Variants in WDPCP observed in about 807,000 individuals in gnomAD.
The protein encoded by WDPCP is WD repeat containing planar cell polarity effector, also known as WD repeat-containing and planar cell polarity effector protein fritz homolog.
WDPCP carries 71 observed loss-of-function variants against 93.1 expected under a neutral mutation model. The ratio of observed to expected loss-of-function variants is 0.76; its 90% CI spans 0.63 to 0.93. The LOEUF is 0.93. Ranked by LOEUF, WDPCP falls within the 40% of genes least tolerant of loss-of-function variation. The pLI is 0.00. For synonymous variants in WDPCP, 315 were observed against 315.0 expected (o/e 1.00, Z 0.00); for missense variants, 844 against 887.4 (o/e 0.95, Z 0.62).
intron 1 of WDPCP, among the ~76,000 whole-genome samples, chr2:63,538,261 T>C (rs1359510046): frequency 6.6e-6 from 1 of 151,900 alleles, no homozygotes; most frequent in Non-Finnish European, 1.5e-5. Flanking sequence ...AAAAATAACA[T>C]GAAAAATTAC....
intron 2 of WDPCP, among the ~76,000 whole-genome samples, chr2:63,776,073 A>G (rs1199918887): frequency 7.0e-6 from 1 of 143,220 alleles, no homozygotes; most frequent in East Asian, 2.0e-4. Flanking sequence ...ATAAATACAC[A>G]TATACATACA....
At chr2:63,750,335 T>G (rs756730168) in intron 2 of WDPCP, among the ~76,000 whole-genome samples, 3 of 152,122 alleles carry the variant, frequency 2.0e-5, no homozygotes, top group Non-Finnish European at 4.4e-5. Flanking sequence ...TTAAAAACTC[T>G]AATTCAGAAG....
At chr2:63,340,893 G>A (rs1688788557) in intron 12 of WDPCP, among the ~76,000 whole-genome samples, 1 of 152,014 alleles carries the variant, frequency 6.6e-6, no homozygotes, top group Non-Finnish European at 1.5e-5. Flanking sequence ...AAAAATGTAG[G>A]CATTTACCAC....
chr2:63,576,023 T>C (rs1156931281), intron 1 of WDPCP, among the ~76,000 whole-genome samples: 1 of 152,192 alleles, frequency 6.6e-6, no homozygotes, highest in African/African-American at 2.4e-5. Flanking sequence ...AGACACAGTA[T>C]AGAGACAGGA....
chr2:63,519,371 G>C (rs1425335620), intron 1 of WDPCP: 1 of 152,318 alleles, frequency 6.6e-6, no homozygotes, highest in African/African-American at 2.4e-5. Context: ...CCCACAGAGA[G>C]GCTGGCACTC....
chr2:63,290,247 T>A (rs6545985), intron 13 of WDPCP, among the ~76,000 whole-genome samples: 122,965 of 151,874 alleles, frequency 0.81, 50,571 homozygotes, highest in East Asian at 0.96. Context: ...ACATTTTTTT[T>A]AAAATCCTCT....
chr2:63,588,972 C>T, upstream of WDPCP: 5 of 1,610,620 alleles, frequency 3.1e-6, no homozygotes, highest in Non-Finnish European at 4.2e-6. Context: ...CGAGTCAGTT[C>T]CGCGGTAGAG....
Position 63,813,973 on chromosome 2 carries a change from T to C in WDPCP, n.223-266A>G, listed in dbSNP as rs140284681. ...ATGTTTGCTGATAAATTCCATATCA[T>C]AAATGTTTGCTGATAACTAGTAGTA... On this transcript the variant is annotated intron_variant and non_coding_transcript_variant, in intron 1 of 4. Coordinates refer to the WDPCP transcript ENST00000467687. 9.8e-3 allele frequency among the ~76,000 whole-genome samples: 1,493 copies of C among 152,348 alleles called. 8 individuals are homozygous for C. Among genetic ancestry groups the C allele is most frequent in the Non-Finnish European group, 0.015 (1,000 of 68,018 alleles).
chr2:63,437,323 C>A, intron 8 of WDPCP, 98 bp downstream of exon 8: 1 of 1,037,920 alleles, frequency 9.6e-7, no homozygotes, highest in Non-Finnish European at 1.4e-6. Flanking sequence ...TTCTGAAATC[C>A]AGAAATGTTG....
intron 2 of WDPCP, among the ~76,000 whole-genome samples, chr2:63,723,289 T>TA (rs369400703): frequency 0.19 from 26,318 of 138,070 alleles, 2,533 homozygotes; most frequent in Middle Eastern, 0.28. Flanking sequence ...AATAAAAAAT[T>TA]AAAAAAAAAA....
At chr2:63,613,173 T>A (rs1489930427) in intron 3 of WDPCP, among the ~76,000 whole-genome samples, 1 of 152,206 alleles carries the variant, frequency 6.6e-6, no homozygotes, top group Non-Finnish European at 1.5e-5. Context: ...GTAGTCAACA[T>A]GTGCATATTG....
At chr2:63,374,786 T>C (rs923932408) in intron 12 of WDPCP, among the ~76,000 whole-genome samples, 2 of 152,098 alleles carry the variant, frequency 1.3e-5, no homozygotes, top group African/African-American at 2.4e-5. Flanking sequence ...ACCACATGTA[T>C]TCTGACTTTA....
At chr2:63,706,279 C>A (rs1323225885) in intron 2 of WDPCP, among the ~76,000 whole-genome samples, 4 of 152,150 alleles carry the variant, frequency 2.6e-5, no homozygotes, top group South Asian at 4.2e-4. Context: ...TTAATTGGAG[C>A]ATTTAGCCCA....
In WDPCP at chr2:63,257,645, G is replaced by C. The variant is rs1447844624; in HGVS notation, c.1915+1662C>G. Among the ~76,000 whole-genome samples the C allele has an allele frequency of 2.6e-5, 4 of 152,138 alleles. No individual in the cohort carries two copies. In the South Asian group the frequency reaches 6.2e-4, roughly 24 times the overall value. ...TGAAAATATATTTGCTAGAAATGAC[G>C]CAGGGCTCAAAGTGGGTACACTAAG... On this transcript the variant is annotated intron_variant, in intron 14 of 17. Coordinates refer to ENST00000272321, the MANE Select transcript of WDPCP (RefSeq NM_015910.7).
intron 16 of WDPCP, 139 bp from the exon 17 acceptor site, chr2:63,153,084 C>A: frequency 7.0e-6 from 5 of 715,780 alleles, no homozygotes; most frequent in Non-Finnish European, 1.2e-5. Flanking sequence ...AAATAAAAAA[C>A]CAAACCTTAA....
intron 2 of WDPCP, among the ~76,000 whole-genome samples, chr2:63,768,956 TA>T (rs1344116195): frequency 6.6e-6 from 1 of 152,028 alleles, no homozygotes; most frequent in African/African-American, 2.4e-5. Flanking sequence ...ATTCATTCAC[TA>T]AACATTCACC....
chr2:63,557,783 T>C (rs1205468173), intron 1 of WDPCP, among the ~76,000 whole-genome samples: 4 of 152,004 alleles, frequency 2.6e-5, no homozygotes, highest in Admixed American at 6.6e-5. Flanking sequence ...AGAAGTGAAA[T>C]TATAAAAACA....
At chr2:63,835,468 T>C in the WDPCP span, among the ~76,000 whole-genome samples, 1 of 150,318 alleles carries the variant, frequency 6.7e-6, no homozygotes, top group Non-Finnish European at 1.5e-5. Flanking sequence ...TTGTCCCGGA[T>C]AAAGGCCTGA....
intron 12 of WDPCP, among the ~76,000 whole-genome samples, chr2:63,368,294 TTTAATTTA>T (rs1257524401): frequency 6.9e-5 from 5 of 72,922 alleles, no homozygotes; most frequent in African/African-American, 3.1e-4. Context: ...TAAGTTTATT[TTTAATTTA>T]TTTATTTATT....
Sources: allele counts gnomAD v4.1 joint callset (sites outside exome capture counted in the v4.1 genomes callset), GRCh38; gene constraint gnomAD v4.1.1; transcripts MANE v1.5; gene names NCBI Gene and HGNC (gene_info 2026-07-23, HGNC 2026-07-21).